Variants in RAP1A observed in about 807,000 individuals in gnomAD.
RAP1A encodes ras-related protein Rap-1A.
RAP1A carries 6 observed loss-of-function variants against 26.4 expected under a neutral mutation model. That is an observed-to-expected ratio of 0.23 (90% CI 0.12 to 0.45). RAP1A has a LOEUF of 0.45. Ranked by LOEUF, RAP1A falls within the 20% of genes least tolerant of loss-of-function variation. RAP1A has a pLI of 0.99. For synonymous variants in RAP1A, 73 were observed against 79.4 expected (o/e 0.92, Z 0.43); for missense variants, 121 against 217.2 (o/e 0.56, Z 2.78).
At chr1:111,615,383 C>A (rs561578705), upstream of RAP1A, among the ~76,000 whole-genome samples, 156 of 151,890 alleles carry the variant, frequency 1.0e-3, no homozygotes, top group African/African-American at 3.6e-3. Context: ...CTAGGTTAAC[C>A]AATACCTGAC....
In RAP1A at chr1:111,594,176, A is replaced by T. The variant is rs148354958; in HGVS notation, c.-28+51667A>T. Among the ~76,000 whole-genome samples the T allele has an allele frequency of 1.2e-3, 185 of 152,330 alleles. 1 individual carries two copies. The highest frequency in any genetic ancestry group is 4.2e-3 in the African/African-American group (176 of 41,568). ...TAAAACCAGATGCCACGACTTGGAAAGAGCAAAATTTGATCTTGAGAGGAA... is the reference window on the plus strand; with the variant it reads ...TAAAACCAGATGCCACGACTTGGAATGAGCAAAATTTGATCTTGAGAGGAA... On this transcript the variant is annotated intron_variant, in intron 1 of 7. Coordinates refer to the RAP1A transcript ENST00000356415.
chr1:111,597,615 T>C (rs1480588821), intron 1 of RAP1A, among the ~76,000 whole-genome samples: 1 of 152,218 alleles, frequency 6.6e-6, no homozygotes, highest in East Asian at 1.9e-4. Flanking sequence ...TGCTAGTATT[T>C]ATGCAAACAC....
intron 1 of RAP1A, among the ~76,000 whole-genome samples, chr1:111,612,070 T>G (rs1248386538): frequency 6.6e-6 from 1 of 152,122 alleles, no homozygotes; most frequent in Non-Finnish European, 1.5e-5. Flanking sequence ...AAAACTAGGC[T>G]TCTGGATTTC....
chr1:111,649,429 C>A, intron 1 of RAP1A: 1 of 357,732 alleles, frequency 2.8e-6, no homozygotes, highest in South Asian at 2.6e-5. Flanking sequence ...ACACGGAGAT[C>A]TGGGAACCAG....
At position 111,716,274 on chromosome 1, in the gene RAP1A, C is replaced by A. The variant is rs1450668256; in HGVS notation, c.*3873C>A. On this transcript the variant is annotated 3_prime_UTR_variant, in exon 8 of 8. Coordinates refer to ENST00000369709, the MANE Select transcript of RAP1A (RefSeq NM_002884.4). Reference sequence around the variant, plus strand: ...GTGAGCTTTGAGGCGGTCTAACTACCCAGCTTTTAGTATTTATGTTCCCCA... The same window carrying A: ...GTGAGCTTTGAGGCGGTCTAACTACACAGCTTTTAGTATTTATGTTCCCCA... The A allele has an allele frequency of 6.6e-6, 1 of 152,084 alleles. No homozygotes were observed. Among genetic ancestry groups the A allele is most frequent in the Non-Finnish European group, 1.5e-5 (1 of 68,016 alleles). The allele number at this position is 152,084 out of a possible 1,614,324, so 9.4% of individuals were successfully genotyped here.
intron 6 of RAP1A, 46 bp downstream of exon 6, chr1:111,704,532 T>G: frequency 6.6e-7 from 1 of 1,524,112 alleles, no homozygotes; most frequent in Non-Finnish European, 8.8e-7. Context: ...CTTTTTAGTT[T>G]GCTTTAAGTT....
intron 1 of RAP1A, among the ~76,000 whole-genome samples, chr1:111,625,109 A>G (rs1345691633): frequency 6.6e-6 from 1 of 152,220 alleles, no homozygotes; most frequent in Non-Finnish European, 1.5e-5. Flanking sequence ...TAAGAATAGC[A>G]GTATATTAAA....
At chr1:111,653,528 C>A (rs562664924) in intron 1 of RAP1A, among the ~76,000 whole-genome samples, 1 of 151,292 alleles carries the variant, frequency 6.6e-6, no homozygotes, top group East Asian at 1.9e-4. Context: ...ACTAAAAATA[C>A]AAAAGATTAG....
intron 1 of RAP1A, among the ~76,000 whole-genome samples, chr1:111,575,067 G>T (rs1017374330): frequency 1.3e-5 from 2 of 152,084 alleles, no homozygotes; most frequent in Admixed American, 6.5e-5. Context: ...TGAAGTAAAT[G>T]AATAAATGAA....
chr1:111,642,480 A>T (rs1659921009), intron 1 of RAP1A, among the ~76,000 whole-genome samples: 1 of 150,686 alleles, frequency 6.6e-6, no homozygotes, highest in Non-Finnish European at 1.5e-5. Context: ...GATAAACTAG[A>T]GTAGGTGTTA....
chr1:111,621,841 A>G (rs1014821619), intron 1 of RAP1A, among the ~76,000 whole-genome samples: 1 of 152,216 alleles, frequency 6.6e-6, no homozygotes, highest in African/African-American at 2.4e-5. Flanking sequence ...AGTGTTACAC[A>G]GTTCCATATT....
At chr1:111,711,289 A>G (rs1662379040) in intron 7 of RAP1A, among the ~76,000 whole-genome samples, 1 of 152,182 alleles carries the variant, frequency 6.6e-6, no homozygotes. Flanking sequence ...GTTATAGTTG[A>G]CTGGCTTATT....
intron 1 of RAP1A, among the ~76,000 whole-genome samples, chr1:111,555,362 T>TAAAAAAAAAAAAAAAAAAAA (rs397981230): frequency 1.0e-4 from 5 of 47,638 alleles, no homozygotes; most frequent in African/African-American, 4.8e-4. Context: ...TGAGACTCTG[T>TAAAAAAAAAAAAAAAAAAAA]AAAAAAAAAA....
At chr1:111,632,785 G>A (rs1402390673) in intron 1 of RAP1A, among the ~76,000 whole-genome samples, 1 of 152,060 alleles carries the variant, frequency 6.6e-6, no homozygotes, top group Non-Finnish European at 1.5e-5. Context: ...GCTGGGCGCG[G>A]TGGCGCATGC....
intron 1 of RAP1A, among the ~76,000 whole-genome samples, chr1:111,690,423 T>C (rs1661633748): frequency 6.6e-6 from 1 of 152,242 alleles, no homozygotes; most frequent in Admixed American, 6.5e-5. Context: ...TTTATATGCT[T>C]AGCTTCCACT....
chr1:111,659,852 T>C (rs149849536), intron 1 of RAP1A, among the ~76,000 whole-genome samples: 4 of 152,282 alleles, frequency 2.6e-5, no homozygotes, highest in East Asian at 3.9e-4. Flanking sequence ...AACATAGCAC[T>C]TCATGGGTAG....
intron 1 of RAP1A, among the ~76,000 whole-genome samples, chr1:111,663,137 C>T (rs1372484221): frequency 2.0e-5 from 3 of 152,190 alleles, no homozygotes; most frequent in Non-Finnish European, 4.4e-5. Context: ...TGGTCTTGAT[C>T]TCCTGACCTC....
chr1:111,572,164 C>T (rs940980351), intron 1 of RAP1A, among the ~76,000 whole-genome samples: 8 of 152,330 alleles, frequency 5.3e-5, no homozygotes, highest in East Asian at 1.9e-4. Flanking sequence ...GGGTATGCTG[C>T]GGCAATCAAT....
At chr1:111,674,847 G>A (rs1320623848) in intron 1 of RAP1A, among the ~76,000 whole-genome samples, 1 of 151,936 alleles carries the variant, frequency 6.6e-6, no homozygotes, top group African/African-American at 2.4e-5. Flanking sequence ...TCTCTCACTC[G>A]AGTTACTGCA....
Sources: allele counts gnomAD v4.1 joint callset (sites outside exome capture counted in the v4.1 genomes callset), GRCh38; gene constraint gnomAD v4.1.1; transcripts MANE v1.5; gene names NCBI Gene and HGNC (gene_info 2026-07-23, HGNC 2026-07-21).